The following RNF182 variants were observed in gnomAD, a reference collection of about 807,000 sequenced individuals.
RNF182 encodes E3 ubiquitin-protein ligase RNF182.
In RNF182, 15 loss-of-function variants were observed where a neutral mutation model predicts 14.4. The ratio of observed to expected loss-of-function variants is 1.04; its 90% confidence interval spans 0.70 to 1.60. The LOEUF is 1.60. RNF182 is among the 40% of genes most tolerant of loss of function. RNF182 has a pLI of 0.00. For missense variants in RNF182, 268 were observed against 294.8 expected (o/e 0.91, Z 0.67); for synonymous variants, 128 against 122.9 (o/e 1.04, Z -0.27).
intron 1 of RNF182, among the ~76,000 whole-genome samples, chr6:13,956,903 C>T (rs1428088694): frequency 2.0e-5 from 3 of 152,166 alleles, no homozygotes; most frequent in Middle Eastern, 3.4e-3. Flanking sequence ...CAGTAACAAG[C>T]ACCACCCCCC....
intron 1 of RNF182, among the ~76,000 whole-genome samples, chr6:13,947,238 G>A (rs1759460091): frequency 6.6e-6 from 1 of 152,148 alleles, no homozygotes; most frequent in South Asian, 2.1e-4. Context: ...GGAATAAGCA[G>A]GGTCAGTCTA....
At chr6:13,927,892 G>T (rs188295032) in intron 1 of RNF182, among the ~76,000 whole-genome samples, 14 of 152,338 alleles carry the variant, frequency 9.2e-5, no homozygotes, top group Admixed American at 3.3e-4. Context: ...TAGATTTGTG[G>T]CTGGGGAGAA....
intron 1 of RNF182, among the ~76,000 whole-genome samples, chr6:13,937,377 T>C (rs1225643910): frequency 6.6e-6 from 1 of 152,220 alleles, no homozygotes; most frequent in Non-Finnish European, 1.5e-5. Context: ...TGTTGATTAG[T>C]TTTGCCCAGT....
intron 1 of RNF182, among the ~76,000 whole-genome samples, chr6:13,968,761 T>G (rs558835490): frequency 6.6e-6 from 1 of 152,204 alleles, no homozygotes; most frequent in Non-Finnish European, 1.5e-5. Flanking sequence ...TGATGACCTT[T>G]GTGTATTTAT....
intron 1 of RNF182, among the ~76,000 whole-genome samples, chr6:13,931,615 C>G (rs1049807236): frequency 6.6e-6 from 1 of 151,640 alleles, no homozygotes; most frequent in Non-Finnish European, 1.5e-5. Context: ...CTTTTATGAT[C>G]ATCTAATTAT....
intron 1 of RNF182, among the ~76,000 whole-genome samples, chr6:13,973,914 C>T (rs1248190025): frequency 6.6e-6 from 1 of 152,166 alleles, no homozygotes. Context: ...TGGACTCATA[C>T]AGTATTACTC....
chr6:13,977,608 T>G lies in RNF182; in HGVS notation c.489T>G (p.Thr163=), dbSNP rs367962308. The G allele has an allele frequency of 1.9e-5, 31 of 1,614,114 alleles. No homozygotes were observed. The highest frequency in any genetic ancestry group is 2.5e-5 in the Non-Finnish European group (30 of 1,180,050). Residue 163 remains threonine, a synonymous_variant, in exon 3 of 3, where the codon ACT becomes ACG. Transcript: ENST00000488300. ...YRPASFDSVT[T]VSHNWTVWNC... is the part of the protein sequence containing the mutation. ...CTGCGAGTTTCGACTCTGTCACCAC[T>G]GTGTCACACAACTGGACTGTGTGGA...
At chr6:13,949,351 T>C in intron 1 of RNF182, 1 of 767,678 alleles carries the variant, frequency 1.3e-6, no homozygotes, top group South Asian at 1.4e-5. Context: ...TGCTTCCAAG[T>C]GTCCTGAAGC....
intron 1 of RNF182, among the ~76,000 whole-genome samples, chr6:13,926,039 T>C (rs1676416606): frequency 6.6e-6 from 1 of 152,112 alleles, no homozygotes; most frequent in Non-Finnish European, 1.5e-5. Flanking sequence ...TTTTCAGAAA[T>C]ACAGTTGATC....
chr6:13,928,864 G>T (rs960314383), intron 1 of RNF182, among the ~76,000 whole-genome samples: 1 of 151,926 alleles, frequency 6.6e-6, no homozygotes, highest in African/African-American at 2.4e-5. Flanking sequence ...AGGGGTGGGG[G>T]TGCGGTGGTG....
chr6:13,965,833 A>G (rs921023886), intron 1 of RNF182, among the ~76,000 whole-genome samples: 13 of 152,228 alleles, frequency 8.5e-5, no homozygotes, highest in African/African-American at 3.1e-4. Context: ...TCTCTCTGAC[A>G]GACTAAAACC....
intron 1 of RNF182, among the ~76,000 whole-genome samples, chr6:13,962,367 G>A (rs777075059): frequency 5.3e-5 from 8 of 152,298 alleles, no homozygotes; most frequent in South Asian, 2.1e-4. Flanking sequence ...ATAGCTGAGC[G>A]TAAAAACCAA....
At chr6:13,931,515 C>G (rs957062211) in intron 1 of RNF182, among the ~76,000 whole-genome samples, 4 of 152,020 alleles carry the variant, frequency 2.6e-5, no homozygotes, top group African/African-American at 7.2e-5. Flanking sequence ...ATGGGGTTTT[C>G]CTGGAATTCC....
chr6:13,937,427 T>C (rs976426083), intron 1 of RNF182, among the ~76,000 whole-genome samples: 1 of 152,242 alleles, frequency 6.6e-6, no homozygotes, highest in African/African-American at 2.4e-5. Context: ...GTGTGTACTT[T>C]ATGTGTGTGT....
chr6:13,966,886 G>C (rs1760046862), intron 1 of RNF182, among the ~76,000 whole-genome samples: 1 of 151,894 alleles, frequency 6.6e-6, no homozygotes, highest in South Asian at 2.1e-4. Context: ...GCCCAGGCTG[G>C]AGTGCAGTGG....
chr6:13,952,211 C>T (rs1759612882), intron 1 of RNF182, among the ~76,000 whole-genome samples: 1 of 152,160 alleles, frequency 6.6e-6, no homozygotes, highest in African/African-American at 2.4e-5. Flanking sequence ...TGCAGCAACA[C>T]TGAATCAAAA....
chr6:13,950,853 G>A (rs1032030230), intron 1 of RNF182, among the ~76,000 whole-genome samples: 4 of 151,996 alleles, frequency 2.6e-5, no homozygotes, highest in Non-Finnish European at 4.4e-5. Flanking sequence ...CTGGAGTGCA[G>A]TGATGCAATC....
intron 1 of RNF182, among the ~76,000 whole-genome samples, chr6:13,964,463 C>G (rs1180638023): frequency 1.3e-5 from 2 of 152,092 alleles, no homozygotes; most frequent in African/African-American, 2.4e-5. Context: ...GGGAAAAACT[C>G]CAGGAATTAT....
intron 1 of RNF182, among the ~76,000 whole-genome samples, chr6:13,973,219 T>G (rs908343405): frequency 5.9e-5 from 9 of 152,236 alleles, no homozygotes; most frequent in African/African-American, 1.9e-4. Flanking sequence ...ATCCAATGCC[T>G]GTACCCCCAT....
Sources: allele counts gnomAD v4.1 joint callset (sites outside exome capture counted in the v4.1 genomes callset), GRCh38; gene constraint gnomAD v4.1.1; transcripts MANE v1.5; gene names NCBI Gene and HGNC (gene_info 2026-07-23, HGNC 2026-07-21).